The following UHRF2 variants were observed in gnomAD, a reference collection of about 807,000 sequenced individuals.
UHRF2 encodes ubiquitin like with PHD and ring finger domains 2.
A neutral mutation model predicts 96.8 loss-of-function variants in UHRF2; 23 were observed. The ratio of observed to expected loss-of-function variants is 0.24; its 90% CI spans 0.17 to 0.34. UHRF2 has a LOEUF of 0.34. Ranked by LOEUF, UHRF2 falls within the 10% of genes least tolerant of loss-of-function variation. The pLI is 1.00. For missense variants in UHRF2, 685 were observed against 981.5 expected, an observed-to-expected ratio of 0.70 and a Z score of 4.04; for synonymous variants, 385 against 332.6, an observed-to-expected ratio of 1.16 and a Z score of -1.72.
At chr9:6,442,134 T>G (rs1397778006) in intron 3 of UHRF2, among the ~76,000 whole-genome samples, 2 of 152,060 alleles carry the variant, frequency 1.3e-5, no homozygotes, top group Admixed American at 1.3e-4. Context: ...CTGGCTAGTT[T>G]TGGTGTTTTT....
At chr9:6,475,302 A>C in intron 4 of UHRF2, 89 bp from the exon 5 acceptor site, 1 of 658,630 alleles carries the variant, frequency 1.5e-6, no homozygotes, top group Middle Eastern at 2.9e-4. Flanking sequence ...GACAGATTTC[A>C]GTGAGATTCC....
intron 8 of UHRF2, among the ~76,000 whole-genome samples, chr9:6,484,856 C>T (rs1249900564): frequency 1.5e-5 from 2 of 129,836 alleles, no homozygotes; most frequent in East Asian, 2.4e-4. Flanking sequence ...TGCAGTGGCA[C>T]AATCTCGGCT....
chr9:6,426,118 A>G (rs938672327), intron 2 of UHRF2, among the ~76,000 whole-genome samples: 1 of 152,220 alleles, frequency 6.6e-6, no homozygotes, highest in Non-Finnish European at 1.5e-5. Context: ...AAACTTCTCA[A>G]TACTCCACTA....
chr9:6,455,254 CA>C (rs1822108945), intron 3 of UHRF2, among the ~76,000 whole-genome samples: 1 of 152,174 alleles, frequency 6.6e-6, no homozygotes, highest in South Asian at 2.1e-4. Flanking sequence ...TTGTCATTTA[CA>C]TTAGGTATAT....
intron 2 of UHRF2, among the ~76,000 whole-genome samples, chr9:6,421,852 A>AGTAT (rs1819950707): frequency 6.6e-6 from 1 of 152,076 alleles, no homozygotes; most frequent in African/African-American, 2.4e-5. Context: ...TTCTCTAGGC[A>AGTAT]GTATGTTTTG....
At chr9:6,459,617 T>G (rs1459883781) in intron 3 of UHRF2, among the ~76,000 whole-genome samples, 3 of 152,038 alleles carry the variant, frequency 2.0e-5, no homozygotes, top group Non-Finnish European at 4.4e-5. Context: ...GGCAGTGAGC[T>G]GAGATCACAC....
intron 2 of UHRF2, among the ~76,000 whole-genome samples, chr9:6,426,083 G>C (rs73642517): frequency 0.023 from 3,504 of 152,248 alleles, 141 homozygotes; most frequent in African/African-American, 0.078. Context: ...TCAGCAGTTT[G>C]GGTCAACTTA....
intron 11 of UHRF2, among the ~76,000 whole-genome samples, chr9:6,497,577 G>GTT (rs367956676): frequency 2.7e-5 from 4 of 147,748 alleles, no homozygotes; most frequent in African/African-American, 2.5e-5. Context: ...TTGGGTTAAG[G>GTT]TTTTTTTTTT....
Position 6,475,458 on chromosome 9 carries a change from C to A in UHRF2, c.931C>A (p.Pro311Thr). 2 of 1,596,914 alleles carry A rather than the reference C, an allele frequency of 1.3e-6. No individual in the cohort carries two copies. Among genetic ancestry groups the A allele is most frequent in the East Asian group, 2.3e-5 (1 of 44,200 alleles). The change falls in exon 5 of 16, where the codon CCT becomes ACT. Residue 311 changes from proline to threonine, a missense_variant. By Grantham distance (38) the Pro-to-Thr change is conservative. Around this residue, in one of 6 missense-constraint regions of UHRF2, gnomAD observed 391 missense variants for 437.0 expected, o/e 0.89. Coordinates refer to ENST00000276893, the MANE Select transcript of UHRF2 (RefSeq NM_152896.3). ...AGATGAAATCTTCAAGATTGAGAGA[C>A]CTGGAGCCCATCCCCTTTCATTTGC... ...SVDEIFKIER[P>T]GAHPLSFADG...
chr9:6,492,137 A>G (rs1341241177), intron 9 of UHRF2, among the ~76,000 whole-genome samples: 1 of 152,244 alleles, frequency 6.6e-6, no homozygotes, highest in African/African-American at 2.4e-5. Context: ...TAATGATTAA[A>G]GTACAAATGA....
chr9:6,467,600 T>A (rs570433714), intron 4 of UHRF2, among the ~76,000 whole-genome samples: 1 of 150,400 alleles, frequency 6.6e-6, no homozygotes, highest in Admixed American at 6.6e-5. Context: ...GAATAGTTTT[T>A]TTTTTTTTTT....
intron 5 of UHRF2, among the ~76,000 whole-genome samples, chr9:6,476,745 C>A (rs1279318670): frequency 6.6e-6 from 1 of 152,056 alleles, no homozygotes; most frequent in Non-Finnish European, 1.5e-5. Flanking sequence ...CAGGCACCCA[C>A]CACCATGCCT....
intron 9 of UHRF2, among the ~76,000 whole-genome samples, chr9:6,491,457 A>G (rs954214062): frequency 7.2e-5 from 11 of 152,224 alleles, no homozygotes; most frequent in African/African-American, 2.7e-4. Context: ...AGGGATGTAA[A>G]GGGTGTTATG....
intron 9 of UHRF2, among the ~76,000 whole-genome samples, chr9:6,487,470 G>A (rs1824372619): frequency 6.6e-6 from 1 of 152,076 alleles, no homozygotes; most frequent in Non-Finnish European, 1.5e-5. Context: ...AGATTCAAGC[G>A]ATTCTCCTGC....
chr9:6,439,657 C>G (rs1028040513), intron 3 of UHRF2, among the ~76,000 whole-genome samples: 2 of 152,064 alleles, frequency 1.3e-5, no homozygotes, highest in Non-Finnish European at 2.9e-5. Flanking sequence ...TAGAACTCAA[C>G]CTAATCAGTA....
At chr9:6,485,381 A>G (rs189364099) in intron 8 of UHRF2, among the ~76,000 whole-genome samples, 241 of 152,102 alleles carry the variant, frequency 1.6e-3, no homozygotes, top group African/African-American at 4.9e-3. Context: ...GCCTCCTTAT[A>G]TAGTCTAAGA....
chr9:6,497,447 C>G (rs894887621), intron 11 of UHRF2, 87 bp downstream of exon 11: 8 of 1,444,824 alleles, frequency 5.5e-6, no homozygotes, highest in Non-Finnish European at 9.4e-7. Flanking sequence ...TGGGTGGGCT[C>G]GAGGAAACAG....
chr9:6,491,626 A>G (rs1202206401), intron 9 of UHRF2, among the ~76,000 whole-genome samples: 2 of 152,220 alleles, frequency 1.3e-5, no homozygotes, highest in East Asian at 1.9e-4. Context: ...CTTCCACCTG[A>G]TCTTGATGAT....
intron 1 of UHRF2, 121 bp downstream of exon 1, chr9:6,413,764 G>A: frequency 8.0e-7 from 1 of 1,243,178 alleles, no homozygotes; most frequent in Non-Finnish European, 1.0e-6. Context: ...CTCCGCTGCG[G>A]GTGGGCAGCC....
Sources: allele counts gnomAD v4.1 joint callset (sites outside exome capture counted in the v4.1 genomes callset), GRCh38; gene constraint gnomAD v4.1.1; regional missense constraint gnomAD v4.1.1; transcripts MANE v1.5; gene names NCBI Gene and HGNC (gene_info 2026-07-23, HGNC 2026-07-21).